Variants in ARSA observed in about 807,000 individuals in gnomAD.
The protein encoded by ARSA is cerebroside-sulfatase.
In ARSA, 32 loss-of-function variants were observed where a neutral mutation model predicts 37.8. The ratio of observed to expected loss-of-function variants is 0.85; its 90% CI spans 0.64 to 1.14. The LOEUF is 1.14. Among genes scored for constraint, ARSA ranks in the 50% most tolerant of loss-of-function variants. The pLI, the probability that ARSA is intolerant of heterozygous loss-of-function variation, is 0.00. For missense variants in ARSA, 685 were observed against 686.3 expected (o/e 1.00, Z 0.02); for synonymous variants, 303 against 303.4 (o/e 1.00, Z 0.01).
chr22:50,626,058 T>C lies in ARSA; in HGVS notation c.985A>G (p.Thr329Ala). 1 of 1,594,486 alleles carries C rather than the reference T, an allele frequency of 6.3e-7. No homozygotes were observed. The highest frequency in any genetic ancestry group is 8.5e-7 in the Non-Finnish European group (1 of 1,172,732). ...FWPGHIAPGV[T>A]HELASSLDLL... The stretch of plus-strand genomic sequence containing the variant: ...TCCAGGGAGCTGGCCAGCTCGTGGG[T>C]CACGCCTGGGGGCAGGAGGCTGGTC... The change falls in exon 6 of 8, where the codon ACC becomes GCC. Residue 329 changes from threonine (T) to alanine (A), a missense_variant. Transcript: ENST00000216124.
Position 50,626,591 on chromosome 22 carries a change from C to G in ARSA, c.854G>C (p.Gly285Ala). The G allele has an allele frequency of 6.2e-7, 1 of 1,613,028 alleles. No homozygotes were observed. Among genetic ancestry groups the G allele is most frequent in the South Asian group, 1.1e-5 (1 of 91,082 alleles). The stretch of plus-strand genomic sequence containing the variant: ...GCACCCAGCTGCCCTGCTGGCATAC[C>G]CATTGTCTGCAGTGAAGATGACCAG... Reference protein sequence around the residue: ...ETLVIFTADNGPETMRMSRGG... With the variant: ...ETLVIFTADNAPETMRMSRGG... The change falls in exon 4 of 8, where the codon GGA (glycine) becomes GCA (alanine). Residue 285 changes from glycine (G) to alanine (A), a missense_variant and splice_region_variant. By Grantham distance (60) the Gly-to-Ala change is moderately conservative. Transcript: ENST00000216124.
In ARSA at chr22:50,623,143, T is replaced by C. The variant is rs1475474479; in HGVS notation, c.*2002A>G. 6.6e-6 allele frequency: 1 copy of C among 152,218 alleles called. No individual in the cohort carries two copies. The highest frequency in any genetic ancestry group is 2.4e-5 in the African/African-American group (1 of 41,444). 9.4% of individuals were successfully genotyped at this position (152,218 alleles called of 1,614,324 possible). A position where few individuals can be genotyped will look rare whatever the true frequency, so the allele number is the denominator to read the frequency against. ...TGTGCTCCTCTCACTTGGCCAACAC[T>C]GAGGGAGCACCTGGCGTGTGACTGG... is the stretch of plus-strand genomic sequence containing the variant. On this transcript the variant is annotated 3_prime_UTR_variant, in exon 8 of 8. Transcript: ENST00000216124.
At position 50,626,815 on chromosome 22, in the gene ARSA, T is replaced by C. The variant is rs1333903358; in HGVS notation, c.684+19A>G. ...GTAGGGGTCACGGGCAGCCAGGGGG[T>C]TGGGCCAAGATCACTTACGTGAGAG... is the stretch of plus-strand genomic sequence containing the variant. On this transcript the variant is annotated intron_variant, in intron 3 of 7. Coordinates refer to ENST00000216124, the MANE Select transcript of ARSA (RefSeq NM_000487.6). The C allele has an allele frequency of 6.2e-7, 1 of 1,609,792 alleles. No individual in the cohort carries two copies. The highest frequency in any genetic ancestry group is 8.5e-7 in the Non-Finnish European group (1 of 1,177,306).
Position 50,627,693 on chromosome 22 carries a change from A to G in ARSA, c.87T>C (p.Phe29=). Residue 29 remains phenylalanine (F), a synonymous_variant, in exon 1 of 8, where the codon TTT becomes TTC. Coordinates refer to ENST00000216124, the MANE Select transcript of ARSA (RefSeq NM_000487.6). The stretch of plus-strand genomic sequence containing the variant: ...GGTCCCCATAGCCGAGGTCGTCGGC[A>G]AAGATCAGCACGATGTTGGGCGGAC... ...VARPPNIVLI[F]ADDLGYGDLG... is the part of the protein sequence containing the mutation. 1 of 1,556,760 alleles carries G rather than the reference A, an allele frequency of 6.4e-7. No homozygotes were observed. The highest frequency in any genetic ancestry group is 8.7e-7 in the Non-Finnish European group (1 of 1,150,040).
In ARSA at chr22:50,626,230, C is replaced by T. The variant is rs754848014; in HGVS notation, c.903G>A (p.Arg301=). 6.2e-7 allele frequency: 1 copy of T among 1,613,572 alleles called. No individual in the cohort carries two copies. Among genetic ancestry groups the T allele is most frequent in the Non-Finnish European group, 8.5e-7 (1 of 1,179,938 alleles). ...MSRGGCSGLL[R]CGKGTTYEGG... ...CCTCGTAGGTCGTTCCCTTTCCACA[C>T]CGCAAGAGACCGGAGCAGCCGCCTC... Residue 301 remains arginine, a synonymous_variant, in exon 5 of 8, where the codon CGG becomes CGA. Transcript: ENST00000216124.
In ARSA at chr22:50,626,863, G is replaced by A. The variant is rs1437253036; in HGVS notation, c.655C>T (p.Arg219Cys). ...GAGGCATAGTACAGGAAGAAGGGGC[G>A]ATCCTGGCGCTGGGCGTCGGCCATG... ...DLMADAQRQD[R>C]PFFLYYASHH... is the part of the protein sequence containing the mutation. Residue 219 changes from arginine to cysteine, a missense_variant, in exon 3 of 8, where the codon CGC (arginine) becomes TGC (cysteine). Coordinates refer to ENST00000216124, the MANE Select transcript of ARSA (RefSeq NM_000487.6). 4 of 1,613,448 alleles carry A rather than the reference G, an allele frequency of 2.5e-6. No homozygotes were observed. The highest frequency in any genetic ancestry group is 2.2e-5 in the East Asian group (1 of 44,862).
In ARSA at chr22:50,624,339, G is replaced by A. The variant is rs2082629892; in HGVS notation, c.*806C>T. On this transcript the variant is annotated 3_prime_UTR_variant, in exon 8 of 8. Transcript: ENST00000216124. Reference sequence around the variant, plus strand: ...ACCCGCCTCGGCTTCCTAAAGTGCTGGGATTACAGGCGTGAGCCACCGTGC... The same window carrying A: ...ACCCGCCTCGGCTTCCTAAAGTGCTAGGATTACAGGCGTGAGCCACCGTGC... 6.6e-6 allele frequency among the ~76,000 whole-genome samples: 1 copy of A among 152,214 alleles called. No individual in the cohort carries two copies. The highest frequency in any genetic ancestry group is 1.5e-5 in the Non-Finnish European group (1 of 68,030).
At position 50,628,093 on chromosome 22, in the gene ARSA, G is replaced by A. The variant is rs1442831467; in HGVS notation, c.-314C>T. On this transcript the variant is annotated 5_prime_UTR_variant, in exon 1 of 8. Transcript: ENST00000216124. The stretch of plus-strand genomic sequence containing the variant: ...CGCTGACCAGCGGAGTCGGGCCGGG[G>A]GGAAGGCGCTAGAGGGAGCCCAGGA... 6 of 378,268 alleles carry A rather than the reference G, an allele frequency of 1.6e-5. No homozygotes were observed. The highest frequency in any genetic ancestry group is 2.0e-5 in the Non-Finnish European group (4 of 201,482). 23.4% of individuals were successfully genotyped at this position (378,268 alleles called of 1,614,324 possible). A position where few individuals can be genotyped will look rare whatever the true frequency, so the allele number is the denominator to read the frequency against.
At chr22:50,627,076 G>A (rs962091085) in intron 2 of ARSA, 24 bp from the exon 3 acceptor site, 2 of 1,599,340 alleles carry the variant, frequency 1.3e-6, no homozygotes, top group African/African-American at 2.7e-5. Context: ...CTGCCGTGAG[G>A]GCTGGGCTGG....
At chr22:50,627,432 G>A in intron 1 of ARSA, 26 bp from the exon 2 acceptor site, 1 of 1,607,832 alleles carries the variant, frequency 6.2e-7, no homozygotes, top group Non-Finnish European at 8.5e-7. Context: ...CAGAGTCCCT[G>A]AGACAGACAG....
At chr22:50,626,563 G>A (rs776884142) in intron 4 of ARSA, 28 bp downstream of exon 4, 32 of 1,609,804 alleles carry the variant, frequency 2.0e-5, no homozygotes, top group South Asian at 5.5e-5. Flanking sequence ...TGACAGGGCC[G>A]GAGCACCCAG....
At position 50,624,678 on chromosome 22, in the gene ARSA, C is replaced by T. The variant is rs532219851; in HGVS notation, c.*467G>A. ...GAATGCTTCTTCTGGGGGAATATCC[C>T]GTCTCTCTCAGGCACTTTGCATCTT... is the stretch of plus-strand genomic sequence containing the variant. On this transcript the variant is annotated 3_prime_UTR_variant, in exon 8 of 8. Coordinates refer to ENST00000216124, the MANE Select transcript of ARSA (RefSeq NM_000487.6). Among the ~76,000 whole-genome samples the T allele has an allele frequency of 2.0e-5, 3 of 152,278 alleles. No individual in the cohort carries two copies. Among genetic ancestry groups the T allele is most frequent in the East Asian group, 1.9e-4 (1 of 5,184 alleles).
rs752129372 is a variant in ARSA at position 50,628,002 on chromosome 22, C to A, written c.-223G>T. 40 of 571,668 alleles carry A rather than the reference C, an allele frequency of 7.0e-5. No homozygotes were observed. Among genetic ancestry groups the A allele is most frequent in the Non-Finnish European group, 1.2e-4 (38 of 320,338 alleles). The allele number at this position is 571,668 out of a possible 1,614,324, so 35.4% of individuals were successfully genotyped here. On this transcript the variant is annotated 5_prime_UTR_variant, in exon 1 of 8. Transcript: ENST00000216124. ...CAGGACCAGGGCACCTTCAGATTCT[C>A]GAGCGGAGATCTGATCCTCCTCGCC...
At chr22:50,625,833 C>T in intron 6 of ARSA, 103 bp downstream of exon 6, 1 of 1,543,814 alleles carries the variant, frequency 6.5e-7, no homozygotes, top group Non-Finnish European at 8.8e-7. Flanking sequence ...CCACTCAGTG[C>T]AGGAGGCACT....
In ARSA at chr22:50,627,667, A is replaced by G; in HGVS notation, c.113T>C (p.Leu38Pro). The stretch of plus-strand genomic sequence containing the variant: ...AGAGCTGGGGTGCCCATAGCAGCCC[A>G]GGTCCCCATAGCCGAGGTCGTCGGC... ...IFADDLGYGD[L>P]GCYGHPSSTT... is the part of the protein sequence containing the mutation. The change falls in exon 1 of 8, where the codon CTG (leucine) becomes CCG (proline). Residue 38 changes from leucine (L) to proline (P), a missense_variant. Physicochemically the swap from Leu to Pro is moderately conservative, Grantham distance 98. Transcript: ENST00000216124. 2.6e-6 allele frequency: 4 copies of G among 1,558,398 alleles called. No individual in the cohort carries two copies. Among genetic ancestry groups the G allele is most frequent in the Non-Finnish European group, 3.5e-6 (4 of 1,150,762 alleles).
rs1158510979 is a variant in ARSA at position 50,623,597 on chromosome 22, TAATTA to T, written c.*1543_*1547del. Among the ~76,000 whole-genome samples, 2 of 152,100 alleles carry T rather than the reference TAATTA, an allele frequency of 1.3e-5. No homozygotes were observed. Among genetic ancestry groups the T allele is most frequent in the Non-Finnish European group, 2.9e-5 (2 of 68,024 alleles). On this transcript the variant is annotated 3_prime_UTR_variant, in exon 8 of 8. Coordinates refer to ENST00000216124, the MANE Select transcript of ARSA (RefSeq NM_000487.6). ...TAGGACAAATGCTACCACGCCTGGC[TAATTA>T]AAACAAATATTGTTGGCCAGGTGTG...
chr22:50,626,976 A>C lies in ARSA; in HGVS notation c.542T>G (p.Ile181Ser), dbSNP rs74315457. 2.0e-4 allele frequency: 317 copies of C among 1,612,680 alleles called. 1 individual carries two copies. The highest frequency in any genetic ancestry group is 2.3e-4 in the Non-Finnish European group (274 of 1,179,918). Residue 181 changes from isoleucine to serine, a missense_variant, in exon 3 of 8, where the codon ATC becomes AGC. Ile to Ser is a moderately radical substitution (Grantham distance 142). Coordinates refer to ENST00000216124, the MANE Select transcript of ARSA (RefSeq NM_000487.6). ...CACGGACAGGTTGGCCAACAGTGGG[A>C]TGGGGACCAGGCCCTGGTCACAGCC... ...DGGCDQGLVP[I>S]PLLANLSVEA...
chr22:50,627,885 A>T lies in ARSA; in HGVS notation c.-106T>A. 1 of 1,155,838 alleles carries T rather than the reference A, an allele frequency of 8.7e-7. No individual in the cohort carries two copies. The highest frequency in any genetic ancestry group is 1.5e-5 in the African/African-American group (1 of 64,930). 71.6% of individuals were successfully genotyped at this position (1,155,838 alleles called of 1,614,324 possible). A position where few individuals can be genotyped will look rare whatever the true frequency, so the allele number is the denominator to read the frequency against. On this transcript the variant is annotated 5_prime_UTR_variant, in exon 1 of 8. In the 5' UTR this introduces an upstream ATG that the reference lacks. Coordinates refer to ENST00000216124, the MANE Select transcript of ARSA (RefSeq NM_000487.6). ...GCCCTTCCCTGAGACCCCGGACCCA[A>T]ATACTCCCCGACCCTGACGGCCGCC...
chr22:50,627,510 A>G (rs1352850707), intron 1 of ARSA, 46 bp downstream of exon 1: 9 of 1,576,304 alleles, frequency 5.7e-6, no homozygotes, highest in Non-Finnish European at 7.8e-6. Context: ...TTGGGAGGAA[A>G]GGGATGGAGG....
Sources: gnomAD v4.1 joint callset for allele counts (sites outside exome capture counted in the v4.1 genomes callset) on GRCh38, gnomAD v4.1.1 for gene constraint, MANE v1.5 for transcripts, NCBI Gene and HGNC (gene_info 2026-07-23, HGNC 2026-07-21) for gene names.